Variants in CHRDL2 observed in about 807,000 individuals in gnomAD.
CHRDL2 encodes chordin like 2, also known as chordin-like protein 2.
CHRDL2 carries 41 observed loss-of-function variants against 54.3 expected under a neutral mutation model. The ratio of observed to expected loss-of-function variants is 0.76; its 90% CI spans 0.59 to 0.98. CHRDL2 has a LOEUF of 0.98. Among genes scored for constraint, CHRDL2 ranks in the 50% least tolerant of loss-of-function variants. The pLI, the probability that CHRDL2 is intolerant of heterozygous loss-of-function variation, is 0.00. For synonymous variants in CHRDL2, 220 were observed against 224.3 expected, an observed-to-expected ratio of 0.98 and a Z score of 0.17; for missense variants, 518 against 562.4, an observed-to-expected ratio of 0.92 and a Z score of 0.80.
At chr11:74,726,565 T>C (rs2034574138) in intron 1 of CHRDL2, among the ~76,000 whole-genome samples, 1 of 152,186 alleles carries the variant, frequency 6.6e-6, no homozygotes. Flanking sequence ...GGCACCGCTG[T>C]CATGCCAGTC....
At chr11:74,708,492 G>T in intron 4 of CHRDL2, 97 bp from the exon 5 acceptor site, 1 of 895,500 alleles carries the variant, frequency 1.1e-6, no homozygotes, top group Non-Finnish European at 1.7e-6. Context: ...ATGGCCTTGA[G>T]GTCTCTCCTA....
At chr11:74,700,610 T>A (rs964790742) in intron 9 of CHRDL2, among the ~76,000 whole-genome samples, 1 of 143,050 alleles carries the variant, frequency 7.0e-6, no homozygotes, top group Non-Finnish European at 1.6e-5. Context: ...CAGGGACTGA[T>A]GGAATCTTTT....
Position 74,703,321 on chromosome 11 carries a change from G to A in CHRDL2, c.930C>T (p.Cys310=). ...CCTGTGTACCTGGGCAAATCTTGCA[G>A]CACTTCCCAGCCACTTTCTCGGGGT... The part of the protein sequence containing the change: ...CRHPEKVAGK[C]CKICPEDKAD... The change falls in exon 8 of 11, where the codon TGC becomes TGT. Residue 310 remains cysteine, a synonymous_variant. Coordinates refer to ENST00000376332, the MANE Select transcript of CHRDL2 (RefSeq NM_001278473.3). The A allele has an allele frequency of 6.2e-7, 1 of 1,606,534 alleles. No homozygotes were observed.
chr11:74,700,469 G>A (rs946446167), intron 9 of CHRDL2, among the ~76,000 whole-genome samples: 2 of 152,068 alleles, frequency 1.3e-5, no homozygotes, highest in African/African-American at 4.8e-5. Context: ...CTCCCAATAA[G>A]CTCCACTGCA....
chr11:74,698,524 A>C (rs1457361753), intron 9 of CHRDL2: 1 of 151,984 alleles, frequency 6.6e-6, no homozygotes, highest in East Asian at 1.9e-4. Context: ...ATGTGCTCTC[A>C]TTGTGTCTAC....
Position 74,710,999 on chromosome 11 carries a change from G to T in CHRDL2, c.290-8C>A. On this transcript the variant is annotated splice_region_variant and splice_polypyrimidine_tract_variant and intron_variant, in intron 3 of 10. Coordinates refer to ENST00000376332, the MANE Select transcript of CHRDL2 (RefSeq NM_001278473.3). ...CAGAGGGAGTGTGAGGTTCTGCAGT[G>T]GGGGAGGGGCAGGAGGAAGAAGAAA... 6 of 1,608,920 alleles carry T rather than the reference G, an allele frequency of 3.7e-6. No homozygotes were observed. Among genetic ancestry groups the T allele is most frequent in the Non-Finnish European group, 4.2e-6 (5 of 1,177,102 alleles).
chr11:74,702,878 G>A lies in CHRDL2; in HGVS notation c.1036C>T (p.Pro346Ser). The change falls in exon 9 of 11, where the codon CCA becomes TCA. Residue 346 changes from proline (P) to serine (S), a missense_variant. Transcript: ENST00000376332. The stretch of plus-strand genomic sequence containing the variant: ...AAGCGACGCAGGTTGTCTGGGCTTG[G>A]GGATACCGATGTGTGGACGAGGACC... ...GRVLVHTSVS[P>S]SPDNLRRFAL... 6.2e-7 allele frequency: 1 copy of A among 1,614,174 alleles called. No individual in the cohort carries two copies. The highest frequency in any genetic ancestry group is 8.5e-7 in the Non-Finnish European group (1 of 1,180,028).
At chr11:74,725,399 C>A (rs894017444) in intron 1 of CHRDL2, among the ~76,000 whole-genome samples, 1 of 152,178 alleles carries the variant, frequency 6.6e-6, no homozygotes, top group Non-Finnish European at 1.5e-5. Flanking sequence ...CTTCTGACAA[C>A]CCCCACTTTC....
intron 10 of CHRDL2, among the ~76,000 whole-genome samples, chr11:74,696,896 G>T (rs2033614335): frequency 6.6e-6 from 1 of 152,226 alleles, no homozygotes. Flanking sequence ...GGTATAGAAG[G>T]AAAGTGGAAA....
chr11:74,710,794 T>C (rs2034163552), intron 4 of CHRDL2, 55 bp downstream of exon 4: 1 of 1,589,912 alleles, frequency 6.3e-7, no homozygotes, highest in Admixed American at 1.7e-5. Flanking sequence ...GGCTACTATG[T>C]TCTTTGCAGG....
chr11:74,706,280 G>T (rs1374819788), intron 6 of CHRDL2, among the ~76,000 whole-genome samples: 1 of 152,088 alleles, frequency 6.6e-6, no homozygotes, highest in Non-Finnish European at 1.5e-5. Flanking sequence ...TTTCCCCCAG[G>T]CCACTCCTTA....
At chr11:74,716,856 G>T (rs2034371523) in intron 2 of CHRDL2, among the ~76,000 whole-genome samples, 1 of 152,124 alleles carries the variant, frequency 6.6e-6, no homozygotes, top group Admixed American at 6.5e-5. Flanking sequence ...ACTTTGGGAG[G>T]CTGAGGCAGG....
chr11:74,708,990 G>A (rs866418918), intron 4 of CHRDL2, among the ~76,000 whole-genome samples: 1 of 152,322 alleles, frequency 6.6e-6, no homozygotes, highest in Non-Finnish European at 1.5e-5. Flanking sequence ...CATTTGGGGT[G>A]TGAAGATCCA....
At chr11:74,698,175 TG>T (rs1274547453) in intron 9 of CHRDL2, 1 of 151,634 alleles carries the variant, frequency 6.6e-6, no homozygotes, top group Non-Finnish European at 1.5e-5. Flanking sequence ...GCGATTCTCC[TG>T]CCTCAGCCTC....
intron 6 of CHRDL2, among the ~76,000 whole-genome samples, chr11:74,705,698 A>G (rs960981335): frequency 2.6e-5 from 4 of 152,112 alleles, no homozygotes; most frequent in Non-Finnish European, 5.9e-5. Flanking sequence ...AGAGGACAGG[A>G]AGGAAAGTGG....
intron 1 of CHRDL2, among the ~76,000 whole-genome samples, chr11:74,726,806 A>G (rs912464596): frequency 5.3e-5 from 8 of 152,092 alleles, no homozygotes; most frequent in Non-Finnish European, 1.0e-4. Context: ...ATCCAGAGAG[A>G]AGTCAGCCTG....
intron 4 of CHRDL2, among the ~76,000 whole-genome samples, chr11:74,709,592 C>T (rs1353710050): frequency 6.7e-6 from 1 of 149,430 alleles, no homozygotes; most frequent in Non-Finnish European, 1.5e-5. Flanking sequence ...TAAGTAGTCA[C>T]TCCTCATTAT....
intron 5 of CHRDL2, 32 bp from the exon 6 acceptor site, chr11:74,706,574 C>A (rs369459329): frequency 6.2e-7 from 1 of 1,611,968 alleles, no homozygotes; most frequent in African/African-American, 1.3e-5. Flanking sequence ...GGGTCAGCCT[C>A]AGGCTCCCCA....
chr11:74,721,180 G>T (rs1591369344), intron 1 of CHRDL2, among the ~76,000 whole-genome samples: 1 of 144,668 alleles, frequency 6.9e-6, no homozygotes, highest in African/African-American at 2.4e-5. Flanking sequence ...TGGGGTGCTG[G>T]TCAGAGCCAG....
Sources: allele counts gnomAD v4.1 joint callset (sites outside exome capture counted in the v4.1 genomes callset), GRCh38; gene constraint gnomAD v4.1.1; transcripts MANE v1.5; gene names NCBI Gene and HGNC (gene_info 2026-07-23, HGNC 2026-07-21).